Variants in CUX1 observed in about 807,000 individuals in gnomAD.
CUX1 encodes the protein cut like homeobox 1, also known as protein CASP.
A neutral mutation model predicts 158.8 loss-of-function variants in CUX1; 31 were observed. The ratio of observed to expected loss-of-function variants is 0.20; its 90% CI spans 0.15 to 0.26. The LOEUF (loss-of-function observed/expected upper bound fraction) is 0.26, where lower values mean the gene tolerates loss of function less well. CUX1 is among the 10% of genes least tolerant of loss of function. The pLI, the probability that CUX1 is intolerant of heterozygous loss-of-function variation, is 1.00. For synonymous variants in CUX1, 879 were observed against 862.1 expected (o/e 1.02, Z -0.34); for missense variants, 1,589 against 2,014.6 (o/e 0.79, Z 4.04).
At chr7:102,220,007 A>T (rs1299785715) in intron 20 of CUX1, among the ~76,000 whole-genome samples, 3 of 152,202 alleles carry the variant, frequency 2.0e-5, no homozygotes, top group Non-Finnish European at 4.4e-5. Flanking sequence ...GGAGCTGGTC[A>T]TGCAAGGGTG....
intron 2 of CUX1, among the ~76,000 whole-genome samples, chr7:101,984,089 A>AAAAATATATAT (rs1221503978): frequency 6.7e-5 from 2 of 29,828 alleles, no homozygotes; most frequent in African/African-American, 1.2e-4. Flanking sequence ...AAAAAAAAAA[A>AAAAATATATAT]ATATATATAT....
chr7:102,046,345 G>T (rs1232223833), intron 3 of CUX1, among the ~76,000 whole-genome samples: 1 of 152,128 alleles, frequency 6.6e-6, no homozygotes, highest in African/African-American at 2.4e-5. Context: ...TGATTCTCCT[G>T]CCTCAGCCTC....
chr7:102,153,013 CTTGAAAT>C (rs1248992280), intron 8 of CUX1, among the ~76,000 whole-genome samples: 1 of 152,254 alleles, frequency 6.6e-6, no homozygotes, highest in Non-Finnish European at 1.5e-5. Flanking sequence ...AGATGGAAAA[CTTGAAAT>C]TCACTTCCAG....
In CUX1 at chr7:102,250,311, G is replaced by T; in HGVS notation, c.*1269G>T. 1.0e-6 allele frequency: 1 copy of T among 985,424 alleles called. No homozygotes were observed. Among genetic ancestry groups the T allele is most frequent in the South Asian group, 4.7e-5 (1 of 21,282 alleles). The allele number at this position is 985,424 out of a possible 1,614,324, so 61.0% of individuals were successfully genotyped here. On this transcript the variant is annotated 3_prime_UTR_variant, in exon 24 of 24. Coordinates refer to ENST00000292535, the MANE Select transcript of CUX1 (RefSeq NM_181552.4). The stretch of plus-strand genomic sequence containing the variant: ...ACAGCAGGCAGTTCCAGGGCCAGAC[G>T]GGCCCATCCCCAAGTAGATAGCAGT...
At chr7:101,901,861 G>C (rs1159706017) in intron 1 of CUX1, among the ~76,000 whole-genome samples, 1 of 152,246 alleles carries the variant, frequency 6.6e-6, no homozygotes, top group Non-Finnish European at 1.5e-5. Context: ...AATGGCTGGT[G>C]CCCTAACAAA....
At chr7:101,962,067 TTA>T (rs1292307392) in intron 2 of CUX1, among the ~76,000 whole-genome samples, 4 of 152,154 alleles carry the variant, frequency 2.6e-5, no homozygotes, top group African/African-American at 9.7e-5. Flanking sequence ...TCGTATTTCT[TTA>T]TGTTTTTCTG....
intron 20 of CUX1, among the ~76,000 whole-genome samples, chr7:102,224,694 T>C (rs1260852411): frequency 6.6e-6 from 1 of 152,144 alleles, no homozygotes; most frequent in Non-Finnish European, 1.5e-5. Context: ...GGGTTCATGA[T>C]GGCACAAATC....
chr7:101,961,498 A>C (rs1810485937), intron 2 of CUX1: 1 of 152,218 alleles, frequency 6.6e-6, no homozygotes, highest in South Asian at 2.1e-4. Context: ...TTGTTCATTT[A>C]GTCACAATAT....
chr7:101,979,995 C>G (rs765885972), intron 2 of CUX1, among the ~76,000 whole-genome samples: 11 of 151,952 alleles, frequency 7.2e-5, no homozygotes, highest in Non-Finnish European at 1.2e-4. Flanking sequence ...AACTTTGTTT[C>G]CAGCGCTGTG....
chr7:102,132,626 C>T (rs1442761280), intron 8 of CUX1, among the ~76,000 whole-genome samples: 4 of 151,500 alleles, frequency 2.6e-5, no homozygotes, highest in African/African-American at 9.7e-5. Flanking sequence ...TGTACATTCC[C>T]AACTTCATCA....
chr7:102,191,163 C>G (rs1393090318), intron 12 of CUX1, among the ~76,000 whole-genome samples: 1 of 152,188 alleles, frequency 6.6e-6, no homozygotes, highest in African/African-American at 2.4e-5. Flanking sequence ...AAAGCCTCTG[C>G]CGGCACCTCC....
chr7:102,018,203 C>A (rs1818894284), intron 2 of CUX1, among the ~76,000 whole-genome samples: 1 of 152,170 alleles, frequency 6.6e-6, no homozygotes, highest in South Asian at 2.1e-4. Flanking sequence ...TCAAGCAATC[C>A]TCCTGTCTGG....
At chr7:101,970,324 T>A (rs1811796053) in intron 2 of CUX1, among the ~76,000 whole-genome samples, 1 of 151,966 alleles carries the variant, frequency 6.6e-6, no homozygotes, top group African/African-American at 2.4e-5. Context: ...CCAGGTGCTT[T>A]AGAGACAGAG....
chr7:101,855,813 G>A (rs1663601192), intron 1 of CUX1, among the ~76,000 whole-genome samples: 1 of 148,532 alleles, frequency 6.7e-6, no homozygotes, highest in African/African-American at 2.5e-5. Context: ...GAGAGGCGGA[G>A]GTTGCAGTGA....
intron 6 of CUX1, among the ~76,000 whole-genome samples, chr7:102,109,378 A>T (rs1830669404): frequency 6.6e-6 from 1 of 152,232 alleles, no homozygotes; most frequent in Non-Finnish European, 1.5e-5. Context: ...TAAAAATTTA[A>T]ATTTGATTTT....
chr7:102,042,406 TAAC>T (rs904077099), intron 3 of CUX1, among the ~76,000 whole-genome samples: 1 of 152,204 alleles, frequency 6.6e-6, no homozygotes, highest in African/African-American at 2.4e-5. Context: ...TTTCTCCTGG[TAAC>T]AAGTTCTGTG....
intron 2 of CUX1, among the ~76,000 whole-genome samples, chr7:101,968,577 C>T (rs1048674421): frequency 1.1e-4 from 17 of 152,128 alleles, no homozygotes; most frequent in African/African-American, 3.6e-4. Context: ...CGCGTACCAC[C>T]GTGCCTGGCT....
chr7:102,010,029 G>A (rs905272232), intron 2 of CUX1, among the ~76,000 whole-genome samples: 2 of 152,014 alleles, frequency 1.3e-5, no homozygotes, highest in Admixed American at 1.3e-4. Context: ...TCAGAACTGC[G>A]GACTTCTTAA....
Position 102,225,112 on chromosome 7 carries a change from G to A in CUX1, c.3131-2255G>A, listed in dbSNP as rs143452200. On this transcript the variant is annotated intron_variant, in intron 20 of 23. Coordinates refer to ENST00000292535, the MANE Select transcript of CUX1 (RefSeq NM_181552.4). ...TGAGCAGAGAGAAGAAATCTGATTT[G>A]TAAGATTCACATTGCCCTAAAGATT... is the stretch of plus-strand genomic sequence containing the variant. Among the ~76,000 whole-genome samples the A allele has an allele frequency of 1.3e-3, 199 of 152,282 alleles. 1 individual carries two copies. The highest frequency in any genetic ancestry group is 2.1e-3 in the Admixed American group (32 of 15,284).
Sources: gnomAD v4.1 joint callset for allele counts (sites outside exome capture counted in the v4.1 genomes callset) on GRCh38, gnomAD v4.1.1 for gene constraint, MANE v1.5 for transcripts, NCBI Gene and HGNC (gene_info 2026-07-23, HGNC 2026-07-21) for gene names.